Variants in AKAP19 observed in about 807,000 individuals in gnomAD.
The protein encoded by AKAP19 is A-kinase anchoring protein 19, also known as small A-kinase anchoring protein.
chr2:189,924,420 AGTTTT>A, the AKAP19 span, among the ~76,000 whole-genome samples: 1 of 152,136 alleles, frequency 6.6e-6, no homozygotes, highest in Admixed American at 6.5e-5. Flanking sequence ...CGCTCCTAGT[AGTTTT>A]GTTAAGTCTT....
At chr2:189,884,617 C>A in the AKAP19 span, among the ~76,000 whole-genome samples, 1 of 152,130 alleles carries the variant, frequency 6.6e-6, no homozygotes, top group Non-Finnish European at 1.5e-5. Context: ...TGTATTCCCC[C>A]ATAAAAAAAT....
At chr2:189,906,272 C>G in the AKAP19 span, among the ~76,000 whole-genome samples, 5 of 151,944 alleles carry the variant, frequency 3.3e-5, no homozygotes, top group East Asian at 1.9e-4. Flanking sequence ...TTTACAAATA[C>G]AAAATTATTT....
chr2:190,189,726 ACT>A, the AKAP19 span: 4 of 152,072 alleles, frequency 2.6e-5, no homozygotes, highest in Non-Finnish European at 5.9e-5. Context: ...AGGACAAAAG[ACT>A]CTCACATCCA....
chr2:190,149,486 C>G, the AKAP19 span, among the ~76,000 whole-genome samples: 2 of 152,098 alleles, frequency 1.3e-5, no homozygotes, highest in Non-Finnish European at 2.9e-5. Flanking sequence ...CTTAGCACCA[C>G]CTTTGCTGTA....
chr2:189,989,564 C>G, the AKAP19 span, among the ~76,000 whole-genome samples: 1 of 151,166 alleles, frequency 6.6e-6, no homozygotes, highest in African/African-American at 2.4e-5. Flanking sequence ...TCAGAACATA[C>G]AAAAAAAATT....
the AKAP19 span, among the ~76,000 whole-genome samples, chr2:190,153,013 G>A: frequency 0.45 from 68,372 of 151,432 alleles, 15,912 homozygotes; most frequent in Middle Eastern, 0.54. Flanking sequence ...CTCCTGCCTC[G>A]GCCTCCTGAG....
the AKAP19 span, among the ~76,000 whole-genome samples, chr2:190,113,506 C>G: frequency 6.6e-6 from 1 of 152,150 alleles, no homozygotes; most frequent in Admixed American, 6.5e-5. Flanking sequence ...CTCAACTGCA[C>G]TATGGATCTC....
chr2:189,913,847 A>C, the AKAP19 span, among the ~76,000 whole-genome samples: 1 of 152,122 alleles, frequency 6.6e-6, no homozygotes, highest in African/African-American at 2.4e-5. Context: ...TTTAAAAATA[A>C]TCTTGAATTC....
the AKAP19 span, among the ~76,000 whole-genome samples, chr2:190,193,049 A>G: frequency 6.6e-6 from 1 of 152,142 alleles, no homozygotes; most frequent in Non-Finnish European, 1.5e-5. Context: ...TCAAACAGAA[A>G]TCATGAGAAT....
chr2:189,889,425 G>T, the AKAP19 span, among the ~76,000 whole-genome samples: 1 of 152,164 alleles, frequency 6.6e-6, no homozygotes, highest in Non-Finnish European at 1.5e-5. Flanking sequence ...TTTGTTATCA[G>T]GATGATACTG....
the AKAP19 span, among the ~76,000 whole-genome samples, chr2:190,146,578 C>T: frequency 1.3e-5 from 2 of 152,216 alleles, no homozygotes; most frequent in East Asian, 3.8e-4. Flanking sequence ...AATCTCCACA[C>T]TCTTTTCCAT....
At chr2:190,194,520 G>A in the AKAP19 span, among the ~76,000 whole-genome samples, 54 of 127,620 alleles carry the variant, frequency 4.2e-4, no homozygotes, top group Non-Finnish European at 6.6e-4. Context: ...ACACACACAC[G>A]CAGCATCTCC....
chr2:190,017,745 T>C, the AKAP19 span, among the ~76,000 whole-genome samples: 3 of 152,184 alleles, frequency 2.0e-5, no homozygotes, highest in South Asian at 6.2e-4. Context: ...ACTTATACCA[T>C]GAGTTTTATG....
chr2:190,025,252 A>G, the AKAP19 span, among the ~76,000 whole-genome samples: 1 of 152,178 alleles, frequency 6.6e-6, no homozygotes, highest in Non-Finnish European at 1.5e-5. Context: ...AATTATACAC[A>G]ATTTGTTACA....
chr2:190,073,011 C>T, the AKAP19 span, among the ~76,000 whole-genome samples: 2 of 151,964 alleles, frequency 1.3e-5, no homozygotes, highest in African/African-American at 4.8e-5. Flanking sequence ...TAAATTGAGT[C>T]AGAAACAGCA....
chr2:190,194,070 AAT>A, the AKAP19 span, among the ~76,000 whole-genome samples: 3 of 152,118 alleles, frequency 2.0e-5, no homozygotes, highest in Non-Finnish European at 4.4e-5. Flanking sequence ...TTAGTTTCCA[AAT>A]ATATGAGGCT....
the AKAP19 span, among the ~76,000 whole-genome samples, chr2:189,904,538 C>CA: frequency 6.6e-6 from 1 of 151,980 alleles, no homozygotes; most frequent in East Asian, 1.9e-4. Flanking sequence ...ATGTGAAATG[C>CA]AAAAACAATT....
At chr2:190,122,406 T>A in the AKAP19 span, among the ~76,000 whole-genome samples, 203 of 152,350 alleles carry the variant, frequency 1.3e-3, 1 homozygote, top group Admixed American at 4.6e-3. Context: ...TATGTCAGTT[T>A]CTTTGTCTCT....
chr2:190,147,747 T>TG, the AKAP19 span, among the ~76,000 whole-genome samples: 1,408 of 151,626 alleles, frequency 9.3e-3, 22 homozygotes, highest in East Asian at 0.059. Context: ...AGGTTTTTTT[T>TG]TTGTTGTTGT....
Sources: gnomAD v4.1 joint callset for allele counts (sites outside exome capture counted in the v4.1 genomes callset) on GRCh38, gnomAD v4.1.1 for gene constraint, MANE v1.5 for transcripts, NCBI Gene and HGNC (gene_info 2026-07-23, HGNC 2026-07-21) for gene names.